PLCXD3: variants seen among roughly 807,000 people sequenced by gnomAD.
The protein encoded by PLCXD3 is phosphatidylinositol specific phospholipase C X domain containing 3.
PLCXD3 carries 19 observed loss-of-function variants against 25.5 expected under a neutral mutation model. The ratio of observed to expected loss-of-function variants is 0.75; its 90% CI spans 0.52 to 1.09. The LOEUF (loss-of-function observed/expected upper bound fraction) is 1.09, where lower values mean the gene tolerates loss of function less well. Among genes scored for constraint, PLCXD3 ranks in the 50% least tolerant of loss-of-function variants. The probability of loss-of-function intolerance (pLI) is 0.00; values close to 1 mark genes in which losing one functional copy is unlikely to be tolerated. For synonymous variants in PLCXD3, 174 were observed against 137.6 expected (o/e 1.26, Z -1.85); for missense variants, 411 against 388.1 (o/e 1.06, Z -0.50).
chr5:41,356,428 G>A (rs1485392029), intron 2 of PLCXD3, among the ~76,000 whole-genome samples: 1 of 152,110 alleles, frequency 6.6e-6, no homozygotes, highest in African/African-American at 2.4e-5. Flanking sequence ...GGTGACACTG[G>A]GCAAATCATT....
intron 2 of PLCXD3, among the ~76,000 whole-genome samples, chr5:41,353,933 C>A (rs567824465): frequency 1.3e-4 from 20 of 152,128 alleles, no homozygotes; most frequent in Non-Finnish European, 2.5e-4. Flanking sequence ...AGAACTGTTT[C>A]TTTTATCTTT....
rs115281799 is a variant in PLCXD3 at position 41,370,868 on chromosome 5, T to G, written c.812+10958A>C. Among the ~76,000 whole-genome samples, 486 of 152,270 alleles carry G rather than the reference T, an allele frequency of 3.2e-3. 5 individuals carry two copies. The highest frequency in any genetic ancestry group is 0.011 in the African/African-American group (460 of 41,562). Reference sequence around the variant, plus strand: ...AATTGTGAAACCTCGGGAAGACAAATGGAATGTTCTCAAATCTTAAAAAAT... The same window carrying G: ...AATTGTGAAACCTCGGGAAGACAAAGGGAATGTTCTCAAATCTTAAAAAAT... On this transcript the variant is annotated intron_variant, in intron 2 of 2. Transcript: ENST00000377801.
At chr5:41,331,381 A>G (rs553836435) in intron 2 of PLCXD3, among the ~76,000 whole-genome samples, 4 of 152,328 alleles carry the variant, frequency 2.6e-5, no homozygotes, top group Admixed American at 2.0e-4. Flanking sequence ...AATCCAACTT[A>G]CAAGGGAAGT....
intron 2 of PLCXD3, among the ~76,000 whole-genome samples, chr5:41,345,974 G>T (rs1744291302): frequency 6.6e-6 from 1 of 151,852 alleles, no homozygotes; most frequent in South Asian, 2.1e-4. Context: ...CCACCTACTG[G>T]GTTCAAGTGA....
intron 2 of PLCXD3, among the ~76,000 whole-genome samples, chr5:41,333,633 A>G (rs1036608468): frequency 3.3e-5 from 5 of 152,166 alleles, no homozygotes; most frequent in African/African-American, 1.2e-4. Context: ...CATTTAAAAA[A>G]TATTTTTCCC....
At chr5:41,350,346 ATCT>A (rs1744423358) in intron 2 of PLCXD3, among the ~76,000 whole-genome samples, 1 of 152,100 alleles carries the variant, frequency 6.6e-6, no homozygotes, top group African/African-American at 2.4e-5. Flanking sequence ...TATACTCTTC[ATCT>A]TCTCTCTGAT....
chr5:41,476,885 G>T (rs550816820), intron 1 of PLCXD3, among the ~76,000 whole-genome samples: 4 of 152,256 alleles, frequency 2.6e-5, no homozygotes, highest in African/African-American at 4.8e-5. Context: ...TTTTATAGGC[G>T]TCAAGAATGA....
chr5:41,474,948 C>A (rs1748248017), intron 1 of PLCXD3, among the ~76,000 whole-genome samples: 1 of 152,176 alleles, frequency 6.6e-6, no homozygotes, highest in South Asian at 2.1e-4. Context: ...GTTCTGCAAT[C>A]CGCATTTGCA....
intron 2 of PLCXD3, among the ~76,000 whole-genome samples, chr5:41,371,117 C>A (rs1745081954): frequency 6.6e-6 from 1 of 152,102 alleles, no homozygotes. Flanking sequence ...CTTTGATTTG[C>A]CTCATTATCA....
At chr5:41,430,064 T>A (rs1173874677) in intron 1 of PLCXD3, among the ~76,000 whole-genome samples, 1 of 152,168 alleles carries the variant, frequency 6.6e-6, no homozygotes, top group Non-Finnish European at 1.5e-5. Context: ...GTTTGAACCC[T>A]ACTTTGCTGC....
intron 1 of PLCXD3, among the ~76,000 whole-genome samples, chr5:41,508,823 C>A (rs1047028305): frequency 2.0e-5 from 3 of 152,188 alleles, no homozygotes; most frequent in African/African-American, 7.2e-5. Context: ...AATGGGAATG[C>A]CTGTGGAAGT....
chr5:41,408,605 T>C (rs1484555732), intron 1 of PLCXD3, among the ~76,000 whole-genome samples: 1 of 152,190 alleles, frequency 6.6e-6, no homozygotes, highest in Admixed American at 6.5e-5. Context: ...TTAATAAGTT[T>C]TGTGATTAAT....
intron 1 of PLCXD3, among the ~76,000 whole-genome samples, chr5:41,434,589 T>A (rs1465881246): frequency 6.6e-6 from 1 of 152,204 alleles, no homozygotes; most frequent in Non-Finnish European, 1.5e-5. Flanking sequence ...TATGAAATCT[T>A]GTATAAGCAG....
chr5:41,370,449 C>T (rs921909888), intron 2 of PLCXD3, among the ~76,000 whole-genome samples: 1 of 152,114 alleles, frequency 6.6e-6, no homozygotes. Flanking sequence ...ATTTTATCAA[C>T]CAAATGTGGT....
At chr5:41,414,115 C>T (rs1219246768) in intron 1 of PLCXD3, among the ~76,000 whole-genome samples, 1 of 152,112 alleles carries the variant, frequency 6.6e-6, no homozygotes, top group Admixed American at 6.5e-5. Context: ...ATACTATAGC[C>T]CAGTGAAACT....
At chr5:41,424,677 A>T (rs1746909666) in intron 1 of PLCXD3, among the ~76,000 whole-genome samples, 1 of 151,604 alleles carries the variant, frequency 6.6e-6, no homozygotes, top group Non-Finnish European at 1.5e-5. Flanking sequence ...CTTCATTTTT[A>T]TTTTTCTGTA....
At chr5:41,349,524 C>T (rs1054214773) in intron 2 of PLCXD3, among the ~76,000 whole-genome samples, 2 of 152,142 alleles carry the variant, frequency 1.3e-5, no homozygotes, top group Non-Finnish European at 1.5e-5. Flanking sequence ...ATCAACATTC[C>T]TTTAAACTGA....
chr5:41,474,481 C>A (rs1748237056), intron 1 of PLCXD3, among the ~76,000 whole-genome samples: 2 of 152,156 alleles, frequency 1.3e-5, no homozygotes, highest in African/African-American at 4.8e-5. Flanking sequence ...TCTAACATTT[C>A]TCCCTTTTTG....
chr5:41,473,812 G>C (rs964140008), intron 1 of PLCXD3, among the ~76,000 whole-genome samples: 1 of 152,130 alleles, frequency 6.6e-6, no homozygotes, highest in East Asian at 1.9e-4. Context: ...GTACAGAGAA[G>C]GGCACATAGT....
Sources: gnomAD v4.1 joint callset for allele counts (sites outside exome capture counted in the v4.1 genomes callset) on GRCh38, gnomAD v4.1.1 for gene constraint, MANE v1.5 for transcripts, NCBI Gene and HGNC (gene_info 2026-07-23, HGNC 2026-07-21) for gene names.